Variants in FREM2 observed in about 807,000 individuals in gnomAD.
FREM2 encodes FRAS1-related extracellular matrix protein 2.
In FREM2, 119 loss-of-function variants were observed where a neutral mutation model predicts 219.9. That is an observed-to-expected ratio of 0.54 (90% CI 0.47 to 0.63). FREM2 has a LOEUF of 0.63. Ranked by LOEUF, FREM2 falls within the 30% of genes least tolerant of loss-of-function variation. FREM2 has a pLI of 0.00. For synonymous variants in FREM2, 1,562 were observed against 1,522.8 expected (o/e 1.03, Z -0.60); for missense variants, 4,030 against 3,993.6 (o/e 1.01, Z -0.25).
intron 2 of FREM2, among the ~76,000 whole-genome samples, chr13:38,744,469 T>C (rs1872382858): frequency 6.6e-6 from 1 of 151,986 alleles, no homozygotes; most frequent in Non-Finnish European, 1.5e-5. Flanking sequence ...TACTTAACTT[T>C]AAAGGCTCCA....
chr13:38,811,687 T>G (rs1875481861), intron 6 of FREM2, among the ~76,000 whole-genome samples: 2 of 152,172 alleles, frequency 1.3e-5, no homozygotes, highest in African/African-American at 4.8e-5. Context: ...TCAATTTTTT[T>G]GACTGTTTTA....
chr13:38,874,134 T>C (rs1878262036), intron 17 of FREM2, among the ~76,000 whole-genome samples: 1 of 152,218 alleles, frequency 6.6e-6, no homozygotes, highest in Non-Finnish European at 1.5e-5. Flanking sequence ...AACCTATTTC[T>C]ATTTACATGT....
At chr13:38,790,627 T>C (rs1405086352) in intron 6 of FREM2, among the ~76,000 whole-genome samples, 1 of 152,170 alleles carries the variant, frequency 6.6e-6, no homozygotes, top group African/African-American at 2.4e-5. Flanking sequence ...ATGTCAGGAA[T>C]ACCATGGCTG....
intron 14 of FREM2, 70 bp downstream of exon 14, chr13:38,859,660 G>T (rs1877694695): frequency 5.2e-6 from 7 of 1,355,560 alleles, no homozygotes; most frequent in Non-Finnish European, 6.3e-6. Context: ...CTACTTTCTG[G>T]TTATTAATAC....
rs753147305 is a variant in FREM2 at position 38,688,975 on chromosome 13, A to G, written c.1631A>G (p.Gln544Arg). The change falls in exon 1 of 24, where the codon CAG becomes CGG. Residue 544 changes from glutamine to arginine, a missense_variant. Coordinates refer to ENST00000280481, the MANE Select transcript of FREM2 (RefSeq NM_207361.6). ...ATGGTGGATGGAGGAGGCAGGCACC[A>G]GGTACAGTTTCTGTTCCCCATCACC... ...LRMVDGGGRH[Q>R]VQFLFPITLV... The G allele has an allele frequency of 1.9e-6, 3 of 1,613,886 alleles. No individual in the cohort carries two copies. Among genetic ancestry groups the G allele is most frequent in the Non-Finnish European group, 2.5e-6 (3 of 1,179,902 alleles).
At chr13:38,825,996 T>G (rs1876267841) in intron 6 of FREM2, among the ~76,000 whole-genome samples, 1 of 152,182 alleles carries the variant, frequency 6.6e-6, no homozygotes, top group Non-Finnish European at 1.5e-5. Context: ...ATAAAAATCA[T>G]AATGCGTATG....
chr13:38,837,356 C>A (rs1304719796), intron 6 of FREM2, among the ~76,000 whole-genome samples: 1 of 152,092 alleles, frequency 6.6e-6, no homozygotes, highest in Non-Finnish European at 1.5e-5. Context: ...TATTTTACTT[C>A]CAATTATGTG....
intron 6 of FREM2, among the ~76,000 whole-genome samples, chr13:38,796,664 T>A (rs895697604): frequency 6.6e-6 from 1 of 152,184 alleles, no homozygotes; most frequent in Admixed American, 6.6e-5. Flanking sequence ...TCTTTATTCA[T>A]CTGTCAATGG....
intron 2 of FREM2, among the ~76,000 whole-genome samples, chr13:38,753,937 G>C (rs7333772): frequency 0.019 from 2,878 of 148,666 alleles, 30 homozygotes; most frequent in Middle Eastern, 0.028. Flanking sequence ...TGTTGCAGGG[G>C]ATCAAAATTA....
rs549521842 is a variant in FREM2, at chr13:38,784,931, T to A, written c.6019+123T>A. The A allele has an allele frequency of 8.1e-5, 90 of 1,113,422 alleles. No homozygotes were observed. In the South Asian group the frequency reaches 1.3e-3, roughly 16 times the overall value. The allele number at this position is 1,113,422 out of a possible 1,614,324, so 69.0% of individuals were successfully genotyped here. On this transcript the variant is annotated intron_variant, in intron 6 of 23. Transcript: ENST00000280481. The stretch of plus-strand genomic sequence containing the variant: ...TATACACATTTATTTTATGTTTGGT[T>A]TTTTCATATGATTAGGTTTCAAAGT...
At chr13:38,771,916 A>C (rs1449755238) in intron 4 of FREM2, among the ~76,000 whole-genome samples, 1 of 152,234 alleles carries the variant, frequency 6.6e-6, no homozygotes, top group Non-Finnish European at 1.5e-5. Flanking sequence ...GTTCTATAAA[A>C]CATAAAGCAG....
At chr13:38,756,553 A>T (rs535618135) in intron 2 of FREM2, among the ~76,000 whole-genome samples, 3 of 115,926 alleles carry the variant, frequency 2.6e-5, no homozygotes, top group African/African-American at 1.0e-4. Context: ...TTTGAGACGG[A>T]GTGTCACTCT....
In FREM2 at chr13:38,692,521, T is replaced by A. The variant is rs749562429; in HGVS notation, c.5173+4T>A. ...AGCATCACTCAGTTCACACAAGGTA[T>A]GTTTCATGTTTCTTTTCTTGGTTAT... On this transcript the variant is annotated splice_donor_region_variant and intron_variant, in intron 1 of 23. Coordinates refer to ENST00000280481, the MANE Select transcript of FREM2 (RefSeq NM_207361.6). The A allele has an allele frequency of 6.2e-7, 1 of 1,607,838 alleles. No homozygotes were observed.
At chr13:38,716,131 G>A (rs1470769569) in intron 2 of FREM2, among the ~76,000 whole-genome samples, 1 of 148,566 alleles carries the variant, frequency 6.7e-6, no homozygotes, top group Non-Finnish European at 1.5e-5. Context: ...TGGGATGAAC[G>A]AGCCCCTAAA....
chr13:38,839,357 C>T (rs959465415), intron 6 of FREM2, among the ~76,000 whole-genome samples: 1 of 152,156 alleles, frequency 6.6e-6, no homozygotes, highest in African/African-American at 2.4e-5. Context: ...GGGGCACCCG[C>T]CACATGCCAG....
intron 1 of FREM2, among the ~76,000 whole-genome samples, chr13:38,692,886 C>T (rs1163948149): frequency 2.0e-5 from 3 of 152,156 alleles, no homozygotes. Context: ...ATTTTGGCAC[C>T]TTAATGAAGG....
intron 2 of FREM2, among the ~76,000 whole-genome samples, chr13:38,732,971 A>G (rs1871826849): frequency 6.6e-6 from 1 of 152,200 alleles, no homozygotes; most frequent in Non-Finnish European, 1.5e-5. Context: ...AGGGGTGGAA[A>G]TGATACCAGA....
intron 6 of FREM2, among the ~76,000 whole-genome samples, chr13:38,800,544 A>T (rs939427082): frequency 6.6e-6 from 1 of 151,960 alleles, no homozygotes; most frequent in Non-Finnish European, 1.5e-5. Flanking sequence ...GACCTTTCTG[A>T]GTTACATCTG....
intron 2 of FREM2, among the ~76,000 whole-genome samples, chr13:38,745,908 G>A (rs1372853863): frequency 6.6e-6 from 1 of 152,056 alleles, no homozygotes; most frequent in African/African-American, 2.4e-5. Context: ...CTCACAGCCA[G>A]GCCTCTGTTT....
Sources: allele counts gnomAD v4.1 joint callset (sites outside exome capture counted in the v4.1 genomes callset), GRCh38; gene constraint gnomAD v4.1.1; transcripts MANE v1.5; gene names NCBI Gene and HGNC (gene_info 2026-07-23, HGNC 2026-07-21).